The following NLRP5 variants were observed in gnomAD, a reference collection of about 807,000 sequenced individuals.
NLRP5 encodes the protein NLR family pyrin domain containing 5.
Under a neutral mutation model 113.1 loss-of-function variants are expected in NLRP5, and 93 were observed. That is an observed-to-expected ratio of 0.82 (90% CI 0.70 to 0.98). The LOEUF (loss-of-function observed/expected upper bound fraction) is 0.98, where lower values mean the gene tolerates loss of function less well. Ranked by LOEUF, NLRP5 falls within the 50% of genes least tolerant of loss-of-function variation. NLRP5 has a pLI of 0.00. For missense variants in NLRP5, 1,808 were observed against 1,514.3 expected, an observed-to-expected ratio of 1.19 and a Z score of -3.22; for synonymous variants, 751 against 600.7, an observed-to-expected ratio of 1.25 and a Z score of -3.66.
chr19:55,996,463 T>C (rs1207397169), upstream of NLRP5, among the ~76,000 whole-genome samples: 2 of 152,194 alleles, frequency 1.3e-5, no homozygotes, highest in African/African-American at 4.8e-5. Context: ...TAACTCATCA[T>C]TTACATTAGG....
At chr19:56,060,420 G>A (rs747540237) in intron 14 of NLRP5, among the ~76,000 whole-genome samples, 1 of 152,070 alleles carries the variant, frequency 6.6e-6, no homozygotes, top group Non-Finnish European at 1.5e-5. Flanking sequence ...TAAGCAAAAC[G>A]ACATATAATG....
chr19:56,010,268 AC>A (rs1982130536), intron 3 of NLRP5, among the ~76,000 whole-genome samples: 1 of 152,172 alleles, frequency 6.6e-6, no homozygotes, highest in Non-Finnish European at 1.5e-5. Flanking sequence ...AGCTCAATGC[AC>A]ACCAAAGTCT....
chr19:56,032,644 G>C lies in NLRP5; in HGVS notation c.2310G>C (p.Trp770Cys). Reference sequence around the variant, plus strand: ...ATAAGACCCTCATTGAGGAGCAGTGGGAAGATTTCTGCTCCATGCTTGGCA... The same window carrying C: ...ATAAGACCCTCATTGAGGAGCAGTGCGAAGATTTCTGCTCCATGCTTGGCA... The change falls in exon 8 of 15, where the codon TGG becomes TGC. Residue 770 changes from tryptophan (W) to cysteine (C), a missense_variant. Transcript: ENST00000390649. 1 of 1,613,714 alleles carries C rather than the reference G, an allele frequency of 6.2e-7. No homozygotes were observed. Among genetic ancestry groups the C allele is most frequent in the Non-Finnish European group, 8.5e-7 (1 of 1,179,776 alleles).
intron 13 of NLRP5, among the ~76,000 whole-genome samples, chr19:56,057,430 T>C (rs1984197523): frequency 6.6e-6 from 1 of 152,228 alleles, no homozygotes; most frequent in Non-Finnish European, 1.5e-5. Flanking sequence ...CTCTCACCAC[T>C]GTCTGGGACT....
At position 56,027,691 on chromosome 19, in the gene NLRP5, G is replaced by A. The variant is rs1459887449; in HGVS notation, c.1458G>A (p.Val486=). ...GCGTGGCCCTGCAGCTGCAGGACGT[G>A]GTGGGGGAGAGCGTCGCCCCCTTCA... Residue 486 remains valine (V), a synonymous_variant, in exon 7 of 15, where the codon GTG becomes GTA. Transcript: ENST00000390649. 3.1e-6 allele frequency: 5 copies of A among 1,613,454 alleles called. No homozygotes were observed. In the Middle Eastern group the frequency reaches 4.9e-4, roughly 160 times the overall value.
chr19:56,003,750 A>C lies in NLRP5; in HGVS notation c.97A>C (p.Ile33Leu). 1 of 1,613,012 alleles carries C rather than the reference A, an allele frequency of 6.2e-7. No homozygotes were observed. The highest frequency in any genetic ancestry group is 8.5e-7 in the Non-Finnish European group (1 of 1,179,570). ...TCTTTCCACAGGTCCTACTTGCTCT[A>C]TATTACCAAAGAATCCACTTTTCCC... is the stretch of plus-strand genomic sequence containing the variant. Residue 33 changes from isoleucine to leucine, a missense_variant, in exon 2 of 15, where the codon ATA (isoleucine) becomes CTA (leucine). Physicochemically the swap from Ile to Leu is conservative, Grantham distance 5. Transcript: ENST00000390649.
the NLRP5 span, among the ~76,000 whole-genome samples, chr19:55,992,793 A>C: frequency 6.6e-6 from 1 of 152,126 alleles, no homozygotes; most frequent in Non-Finnish European, 1.5e-5. Context: ...TCAAAAATAG[A>C]TACATTTGCT....
At chr19:56,043,839 A>G (rs950611898) in intron 11 of NLRP5, among the ~76,000 whole-genome samples, 1 of 151,106 alleles carries the variant, frequency 6.6e-6, no homozygotes, top group East Asian at 2.0e-4. Flanking sequence ...AGCCTCCCAA[A>G]GTGCTGGGAT....
chr19:56,042,656 A>G (rs1158690908), intron 11 of NLRP5, among the ~76,000 whole-genome samples: 1 of 152,108 alleles, frequency 6.6e-6, no homozygotes, highest in Non-Finnish European at 1.5e-5. Context: ...TTACATGAGT[A>G]AGTTCTTTAG....
chr19:55,998,580 G>C (rs1981417793), upstream of NLRP5, among the ~76,000 whole-genome samples: 1 of 151,010 alleles, frequency 6.6e-6, no homozygotes, highest in African/African-American at 2.4e-5. Flanking sequence ...TTGAACCCGG[G>C]AGGTGGAGGT....
chr19:55,999,118 T>C (rs1320202590), upstream of NLRP5, among the ~76,000 whole-genome samples: 1 of 152,018 alleles, frequency 6.6e-6, no homozygotes, highest in Non-Finnish European at 1.5e-5. Context: ...TCCCCCAGTC[T>C]CTGGCAACCA....
chr19:56,050,611 G>A (rs985159147), intron 12 of NLRP5, 23 bp downstream of exon 12: 2 of 1,609,822 alleles, frequency 1.2e-6, no homozygotes, highest in African/African-American at 1.3e-5. Context: ...TGGGCGTTGG[G>A]TCAACTCTAT....
intron 6 of NLRP5, among the ~76,000 whole-genome samples, chr19:56,022,086 C>T (rs1430742454): frequency 7.2e-5 from 11 of 152,168 alleles, no homozygotes; most frequent in Admixed American, 7.2e-4. Context: ...GTGTTGTCAA[C>T]TTTAAATTGG....
intron 12 of NLRP5, 64 bp from the exon 13 acceptor site, chr19:56,053,574 C>A (rs182127151): frequency 6.4e-5 from 92 of 1,447,240 alleles, no homozygotes; most frequent in East Asian, 2.6e-4. Flanking sequence ...TGCTGCTGAA[C>A]CTTCTCCCGC....
chr19:56,032,544 G>A lies in NLRP5; in HGVS notation c.2277-67G>A, dbSNP rs568893064. The A allele has an allele frequency of 1.1e-4, 166 of 1,456,572 alleles. No individual in the cohort carries two copies. In the African/African-American group the frequency reaches 1.4e-3, roughly 12 times the overall value. 90.2% of individuals were successfully genotyped at this position (1,456,572 alleles called of 1,614,324 possible). A position where few individuals can be genotyped will look rare whatever the true frequency, so the allele number is the denominator to read the frequency against. Reference sequence around the variant, plus strand: ...GAGAGCTCGGTCCCTCTCCTCCGACGTGTTGCCACGACTGCTCATGTTAAA... The same window carrying A: ...GAGAGCTCGGTCCCTCTCCTCCGACATGTTGCCACGACTGCTCATGTTAAA... On this transcript the variant is annotated intron_variant, in intron 7 of 14. Transcript: ENST00000390649.
At chr19:56,050,830 G>C (rs1983907940) in intron 12 of NLRP5, among the ~76,000 whole-genome samples, 2 of 152,200 alleles carry the variant, frequency 1.3e-5, no homozygotes, top group Admixed American at 6.5e-5. Flanking sequence ...CCTAAACACT[G>C]TGCATTCCTC....
At chr19:56,005,142 CAT>C (rs1981815791) in intron 2 of NLRP5, among the ~76,000 whole-genome samples, 6 of 142,598 alleles carry the variant, frequency 4.2e-5, no homozygotes, top group Admixed American at 7.2e-5. Context: ...TACACACACA[CAT>C]ATATACACAC....
chr19:56,015,852 G>A, intron 4 of NLRP5, 54 bp downstream of exon 4: 1 of 1,406,508 alleles, frequency 7.1e-7, no homozygotes. Context: ...AGTTGGGTGA[G>A]AGAAGTTCAT....
At chr19:56,019,217 T>C in intron 4 of NLRP5, 125 bp from the exon 5 acceptor site, 1 of 1,068,554 alleles carries the variant, frequency 9.4e-7, no homozygotes, top group Non-Finnish European at 1.4e-6. Context: ...GCTGAGACAG[T>C]GGTTGCCATG....
Sources: gnomAD v4.1 joint callset for allele counts (sites outside exome capture counted in the v4.1 genomes callset) on GRCh38, gnomAD v4.1.1 for gene constraint, MANE v1.5 for transcripts, NCBI Gene and HGNC (gene_info 2026-07-23, HGNC 2026-07-21) for gene names.